TMEM50A: variants seen among roughly 807,000 people sequenced by gnomAD.
The protein encoded by TMEM50A is transmembrane protein 50A, also known as cervical cancer oncogene 9.
TMEM50A carries 8 observed loss-of-function variants against 23.9 expected under a neutral mutation model. The observed-to-expected ratio is 0.33, with a 90% CI of 0.20 to 0.60. TMEM50A has a LOEUF of 0.60. Ranked by LOEUF, TMEM50A falls within the 20% of genes least tolerant of loss-of-function variation. The probability of loss-of-function intolerance (pLI) is 0.81; values close to 1 mark genes in which losing one functional copy is unlikely to be tolerated. For missense variants in TMEM50A, 178 were observed against 192.7 expected (o/e 0.92, Z 0.45); for synonymous variants, 55 against 60.4 (o/e 0.91, Z 0.41).
intron 1 of TMEM50A, among the ~76,000 whole-genome samples, chr1:25,339,313 A>G (rs1483924628): frequency 6.6e-6 from 1 of 152,240 alleles, no homozygotes; most frequent in African/African-American, 2.4e-5. Context: ...TATAATTTGT[A>G]AAGACAGCTT....
At chr1:25,342,029 T>C (rs1400394111) in intron 2 of TMEM50A, among the ~76,000 whole-genome samples, 1 of 152,112 alleles carries the variant, frequency 6.6e-6, no homozygotes, top group Non-Finnish European at 1.5e-5. Flanking sequence ...TTTTAGTCTA[T>C]GAAGAAAATA....
At chr1:25,360,062 G>A (rs1173378973) in intron 6 of TMEM50A, among the ~76,000 whole-genome samples, 7 of 151,970 alleles carry the variant, frequency 4.6e-5, no homozygotes, top group African/African-American at 7.3e-5. Flanking sequence ...AAAATCAGAC[G>A]TATAGGGCTG....
intron 1 of TMEM50A, 80 bp from the exon 2 acceptor site, chr1:25,340,394 C>A: frequency 1.2e-6 from 1 of 866,482 alleles, no homozygotes. Flanking sequence ...TCTAATTATT[C>A]CTGAGCTATT....
chr1:25,339,652 C>G (rs1645146420), intron 1 of TMEM50A, among the ~76,000 whole-genome samples: 1 of 152,142 alleles, frequency 6.6e-6, no homozygotes, highest in African/African-American at 2.4e-5. Context: ...CACTCAGAGC[C>G]AAAGTTTATC....
At chr1:25,346,131 A>G (rs1645214359) in intron 3 of TMEM50A, among the ~76,000 whole-genome samples, 1 of 151,682 alleles carries the variant, frequency 6.6e-6, no homozygotes, top group Non-Finnish European at 1.5e-5. Flanking sequence ...TTTTTATTTT[A>G]TGTTCCAATC....
intron 3 of TMEM50A, among the ~76,000 whole-genome samples, chr1:25,346,887 G>A (rs3093651): frequency 2.8e-3 from 431 of 152,186 alleles, no homozygotes; most frequent in African/African-American, 9.9e-3. Context: ...GGGCATGGTG[G>A]TGCATGCCTG....
At position 25,341,257 on chromosome 1, in the gene TMEM50A, G is replaced by GTT. The variant is rs3093574; in HGVS notation, c.93+685_93+686dup. 2.4e-3 allele frequency among the ~76,000 whole-genome samples: 365 copies of GTT among 151,204 alleles called. 2 individuals are homozygous for GTT. The highest frequency in any genetic ancestry group is 8.7e-3 in the African/African-American group (357 of 41,192). On this transcript the variant is annotated intron_variant, in intron 2 of 6. Transcript: ENST00000374358. ...TTGTTTTTTTGTTGTTGTTGTTTTT[G>GTT]TTTTTTTTGGTTTTTTTTGAGACGG...
chr1:25,352,696 C>A (rs952069149), intron 4 of TMEM50A, among the ~76,000 whole-genome samples, 186 bp from the exon 5 acceptor site: 3 of 151,414 alleles, frequency 2.0e-5, no homozygotes, highest in South Asian at 2.1e-4. Context: ...CTATACAGAC[C>A]AACCAAGAAG....
chr1:25,338,805 G>C (rs1286400571), intron 1 of TMEM50A: 1 of 152,280 alleles, frequency 6.6e-6, no homozygotes, highest in East Asian at 1.9e-4. Flanking sequence ...AGCGAGGGGT[G>C]CCCCGGCTAA....
intron 3 of TMEM50A, among the ~76,000 whole-genome samples, chr1:25,348,399 A>AG (rs1384182460): frequency 1.3e-5 from 2 of 152,174 alleles, no homozygotes; most frequent in African/African-American, 4.8e-5. Context: ...TTAAAAATGT[A>AG]GGGTAGGCCG....
In TMEM50A at chr1:25,356,777, G is replaced by A. The variant is rs1343767252; in HGVS notation, c.368-16G>A. The stretch of plus-strand genomic sequence containing the variant: ...TTGAGATCATAACCCTCTAAACACT[G>A]CAATTATTTTTACAGAAAAAGACAT... On this transcript the variant is annotated splice_polypyrimidine_tract_variant and intron_variant, in intron 5 of 6. Coordinates refer to ENST00000374358, the MANE Select transcript of TMEM50A (RefSeq NM_014313.4). The A allele has an allele frequency of 6.4e-7, 1 of 1,564,176 alleles. No homozygotes were observed. The highest frequency in any genetic ancestry group is 8.6e-7 in the Non-Finnish European group (1 of 1,157,490).
chr1:25,342,592 A>G (rs535242681), intron 2 of TMEM50A: 1 of 154,426 alleles, frequency 6.5e-6, no homozygotes, highest in East Asian at 1.9e-4. Flanking sequence ...TTTGGGGAAT[A>G]TTTCTCTGGA....
intron 2 of TMEM50A, 53 bp from the exon 3 acceptor site, chr1:25,342,902 TTTTAGC>T: frequency 7.0e-7 from 1 of 1,432,556 alleles, no homozygotes; most frequent in Non-Finnish European, 9.7e-7. Context: ...AATACCTTGC[TTTTAGC>T]CAGTGAGATA....
At chr1:25,351,098 G>A (rs1445466225) in intron 3 of TMEM50A, among the ~76,000 whole-genome samples, 2 of 150,932 alleles carry the variant, frequency 1.3e-5, no homozygotes, top group Non-Finnish European at 2.9e-5. Context: ...CTGGGAGGCA[G>A]AGGTTGCAGT....
intron 3 of TMEM50A, among the ~76,000 whole-genome samples, chr1:25,345,463 C>T (rs1313016210): frequency 6.6e-6 from 1 of 152,158 alleles, no homozygotes. Context: ...GACTGTGGTC[C>T]CAGCTACTCG....
At position 25,340,482 on chromosome 1, in the gene TMEM50A, A is replaced by G; in HGVS notation, c.-5A>G. On this transcript the variant is annotated 5_prime_UTR_variant, in exon 2 of 7. Coordinates refer to ENST00000374358, the MANE Select transcript of TMEM50A (RefSeq NM_014313.4). ...GTTTGTTTGTTTTTAAGTGACCTGA[A>G]AAAAATGTCTGGATTTCTAGAGGGC... 1 of 1,611,808 alleles carries G rather than the reference A, an allele frequency of 6.2e-7. No individual in the cohort carries two copies. Among genetic ancestry groups the G allele is most frequent in the Non-Finnish European group, 8.5e-7 (1 of 1,179,140 alleles).
chr1:25,341,365 TCTC>T (rs1286862614), intron 2 of TMEM50A, among the ~76,000 whole-genome samples: 1 of 152,058 alleles, frequency 6.6e-6, no homozygotes, highest in African/African-American at 2.4e-5. Context: ...TTCACGCCAT[TCTC>T]CTGCTTCAGC....
chr1:25,346,809 A>C (rs1393625721), intron 3 of TMEM50A, among the ~76,000 whole-genome samples: 1 of 152,060 alleles, frequency 6.6e-6, no homozygotes, highest in Non-Finnish European at 1.5e-5. Context: ...ACTTGAGGTC[A>C]GGAGTTCAAG....
At chr1:25,355,503 A>AT (rs922844234) in intron 5 of TMEM50A, among the ~76,000 whole-genome samples, 62 of 152,118 alleles carry the variant, frequency 4.1e-4, no homozygotes, top group African/African-American at 1.5e-3. Context: ...ATTTTAGGCT[A>AT]TTTTCCTGAA....
Sources: gnomAD v4.1 joint callset for allele counts (sites outside exome capture counted in the v4.1 genomes callset) on GRCh38, gnomAD v4.1.1 for gene constraint, MANE v1.5 for transcripts, NCBI Gene and HGNC (gene_info 2026-07-23, HGNC 2026-07-21) for gene names.